SPON1: variants seen among roughly 807,000 people sequenced by gnomAD.
The protein encoded by SPON1 is spondin-1.
SPON1 carries 52 observed loss-of-function variants against 111.7 expected under a neutral mutation model. The ratio of observed to expected loss-of-function variants is 0.47; its 90% CI spans 0.37 to 0.59. The LOEUF (loss-of-function observed/expected upper bound fraction) is 0.59, where lower values mean the gene tolerates loss of function less well. Ranked by LOEUF, SPON1 falls within the 20% of genes least tolerant of loss-of-function variation. The pLI is 0.00. For synonymous variants in SPON1, 410 were observed against 395.8 expected (o/e 1.04, Z -0.43); for missense variants, 957 against 1,068.5 (o/e 0.90, Z 1.46).
intron 2 of SPON1, among the ~76,000 whole-genome samples, chr11:14,038,924 T>C (rs562679275): frequency 1.3e-5 from 2 of 152,358 alleles, no homozygotes; most frequent in Non-Finnish European, 2.9e-5. Flanking sequence ...TTATTCATAA[T>C]TGCCAAAACT....
chr11:14,056,159 A>G lies in SPON1; in HGVS notation c.479+14505A>G, dbSNP rs1848743216. Among the ~76,000 whole-genome samples, 8 of 152,128 alleles carry G rather than the reference A, an allele frequency of 5.3e-5. No individual in the cohort carries two copies. In the South Asian group the frequency reaches 1.5e-3, roughly 28 times the overall value. ...GTGCCTCAGGTGCCTCCCCCATAAC[A>G]TGGGGGTGGTAATATTAATAGTATG... is the stretch of plus-strand genomic sequence containing the variant. On this transcript the variant is annotated intron_variant, in intron 3 of 15. Transcript: ENST00000576479.
At chr11:14,012,222 T>G (rs111228809) in intron 2 of SPON1, among the ~76,000 whole-genome samples, 4,611 of 152,252 alleles carry the variant, frequency 0.03, 244 homozygotes, top group African/African-American at 0.1. Context: ...CCTGCTGGCT[T>G]CAGGGCCTCC....
intron 6 of SPON1, among the ~76,000 whole-genome samples, chr11:14,195,097 T>C (rs1173263829): frequency 1.3e-5 from 2 of 152,210 alleles, no homozygotes; most frequent in African/African-American, 4.8e-5. Flanking sequence ...CACATGTAAT[T>C]ACTAAGTAGC....
chr11:13,996,109 T>G (rs1221334962), intron 2 of SPON1, among the ~76,000 whole-genome samples: 3 of 152,198 alleles, frequency 2.0e-5, no homozygotes, highest in African/African-American at 7.2e-5. Context: ...CATATTTTAA[T>G]GTTTTACTAT....
intron 6 of SPON1, among the ~76,000 whole-genome samples, chr11:14,237,925 T>A (rs1312725436): frequency 6.6e-6 from 1 of 152,228 alleles, no homozygotes; most frequent in Non-Finnish European, 1.5e-5. Flanking sequence ...TCAGGCCCCA[T>A]CTGCCTGGGT....
intron 6 of SPON1, among the ~76,000 whole-genome samples, chr11:14,234,429 G>A (rs1454811934): frequency 6.6e-6 from 1 of 152,222 alleles, no homozygotes; most frequent in Non-Finnish European, 1.5e-5. Flanking sequence ...TGCCCCATCA[G>A]CCTCTTCTGC....
intron 6 of SPON1, among the ~76,000 whole-genome samples, chr11:14,138,700 G>A (rs1482762967): frequency 1.3e-5 from 2 of 152,092 alleles, no homozygotes; most frequent in Admixed American, 6.6e-5. Flanking sequence ...ATGAATACTC[G>A]TTATGAAAAC....
At chr11:14,169,616 G>C (rs1364151565) in intron 6 of SPON1, among the ~76,000 whole-genome samples, 1 of 151,550 alleles carries the variant, frequency 6.6e-6, no homozygotes, top group Admixed American at 6.6e-5. Context: ...TTCTTCTAGG[G>C]TTTTTATGGT....
rs372823538 is a variant in SPON1, at chr11:14,029,600, A to G, written c.346-11921A>G. Among the ~76,000 whole-genome samples, 8 of 152,274 alleles carry G rather than the reference A, an allele frequency of 5.3e-5. No individual in the cohort carries two copies. The East Asian group carries it at 9.7e-4, about 18-fold the overall frequency. On this transcript the variant is annotated intron_variant, in intron 2 of 15. Coordinates refer to ENST00000576479, the MANE Select transcript of SPON1 (RefSeq NM_006108.4). ...CACGTTGAATCCCAGGTCACCACAT[A>G]GCAACGGGAGAGGCCAGGCTCCTCC...
intron 6 of SPON1, among the ~76,000 whole-genome samples, chr11:14,193,390 C>G (rs781877454): frequency 6.6e-6 from 1 of 152,178 alleles, no homozygotes; most frequent in African/African-American, 2.4e-5. Context: ...AACCTCATCA[C>G]TGACAGCTTG....
chr11:14,118,968 A>G (rs1268458588), intron 5 of SPON1, among the ~76,000 whole-genome samples: 1 of 152,232 alleles, frequency 6.6e-6, no homozygotes, highest in Non-Finnish European at 1.5e-5. Context: ...GAACATGCTC[A>G]ATAATAAATG....
Position 14,001,464 on chromosome 11 carries a change from G to A in SPON1, c.345+18511G>A, listed in dbSNP as rs1196861046. On this transcript the variant is annotated intron_variant, in intron 2 of 15. Coordinates refer to ENST00000576479, the MANE Select transcript of SPON1 (RefSeq NM_006108.4). ...AAACTACTTTACCAGAGTCTTATCT[G>A]ATCCGAAGAAAGAACAATTAGCCAG... 2.0e-5 allele frequency among the ~76,000 whole-genome samples: 3 copies of A among 152,162 alleles called. No homozygotes were observed. The East Asian group carries it at 5.8e-4, about 29-fold the overall frequency.
intron 2 of SPON1, among the ~76,000 whole-genome samples, chr11:14,031,030 TAATAA>T (rs1471150132): frequency 6.6e-6 from 1 of 152,154 alleles, no homozygotes; most frequent in African/African-American, 2.4e-5. Flanking sequence ...TAGCTATAAA[TAATAA>T]AATCTATCCT....
intron 2 of SPON1, among the ~76,000 whole-genome samples, chr11:13,997,228 T>C (rs1287169888): frequency 6.6e-6 from 1 of 152,170 alleles, no homozygotes; most frequent in Non-Finnish European, 1.5e-5. Context: ...CAGTAGAAAG[T>C]ATTCCTATTT....
chr11:14,185,408 T>C (rs1219145728), intron 6 of SPON1, among the ~76,000 whole-genome samples: 1 of 152,222 alleles, frequency 6.6e-6, no homozygotes, highest in African/African-American at 2.4e-5. Context: ...CGCTCCTTTC[T>C]CCTAGAGAGC....
intron 2 of SPON1, among the ~76,000 whole-genome samples, chr11:14,034,360 C>T (rs531359410): frequency 4.6e-5 from 7 of 152,246 alleles, no homozygotes; most frequent in South Asian, 2.1e-4. Flanking sequence ...GTAGCTAACA[C>T]GGTAGGATTC....
intron 5 of SPON1, among the ~76,000 whole-genome samples, chr11:14,127,080 A>G (rs1847468312): frequency 6.6e-6 from 1 of 152,030 alleles, no homozygotes; most frequent in African/African-American, 2.4e-5. Context: ...TCCCTGCTCT[A>G]TTTAGATTTA....
intron 2 of SPON1, among the ~76,000 whole-genome samples, chr11:14,028,668 A>G (rs921240557): frequency 1.5e-4 from 23 of 152,198 alleles, no homozygotes; most frequent in African/African-American, 4.1e-4. Context: ...TGTCACTTCA[A>G]TGACTCAAAG....
At chr11:14,084,977 C>T (rs1308624464) in intron 5 of SPON1, among the ~76,000 whole-genome samples, 1 of 151,980 alleles carries the variant, frequency 6.6e-6, no homozygotes, top group Admixed American at 6.6e-5. Context: ...ATATCCTTCA[C>T]CCACTTTTTG....
Sources: gnomAD v4.1 joint callset for allele counts (sites outside exome capture counted in the v4.1 genomes callset) on GRCh38, gnomAD v4.1.1 for gene constraint, MANE v1.5 for transcripts, NCBI Gene and HGNC (gene_info 2026-07-23, HGNC 2026-07-21) for gene names.